The following TMIGD3 variants were observed in gnomAD, a reference collection of about 807,000 sequenced individuals.
TMIGD3 encodes AD026 protein (AD026).
Under a neutral mutation model 28.1 loss-of-function variants are expected in TMIGD3, and 21 were observed. That is an observed-to-expected ratio of 0.75 (90% CI 0.53 to 1.08). TMIGD3 has a LOEUF of 1.08. Among genes scored for constraint, TMIGD3 ranks in the 50% least tolerant of loss-of-function variants. The pLI, the probability that TMIGD3 is intolerant of heterozygous loss-of-function variation, is 0.00. For missense variants in TMIGD3, 416 were observed against 435.6 expected (o/e 0.96, Z 0.40); for synonymous variants, 151 against 162.1 (o/e 0.93, Z 0.52).
At chr1:111,487,384 A>G (rs1654432559) in intron 3 of TMIGD3, among the ~76,000 whole-genome samples, 1 of 152,212 alleles carries the variant, frequency 6.6e-6, no homozygotes, top group African/African-American at 2.4e-5. Context: ...GCATGGGGAC[A>G]GGTTTCCAAG....
At chr1:111,522,425 C>T (rs142830436) in intron 1 of TMIGD3, among the ~76,000 whole-genome samples, 33 of 151,966 alleles carry the variant, frequency 2.2e-4, no homozygotes, top group Admixed American at 2.2e-3. Flanking sequence ...CTTTATTTGT[C>T]GTTCTTTAAT....
At position 111,500,156 on chromosome 1, in the gene TMIGD3, A is replaced by C. The variant is rs553993887; in HGVS notation, c.350+2849T>G. 1.9e-4 allele frequency: 305 copies of C among 1,614,226 alleles called. 2 individuals carry two copies. The South Asian group carries it at 3.2e-3, about 17-fold the overall frequency. On this transcript the variant is annotated intron_variant, in intron 1 of 5. Transcript: ENST00000369716. Reference sequence around the variant, plus strand: ...ACCTCACCATTAAAGTAGATGATGCAGTTGATGATAGATAAAGGCAGCCAT... The same window carrying C: ...ACCTCACCATTAAAGTAGATGATGCCGTTGATGATAGATAAAGGCAGCCAT...
chr1:111,516,087 C>T (rs1048155763), intron 1 of TMIGD3, among the ~76,000 whole-genome samples: 1 of 152,242 alleles, frequency 6.6e-6, no homozygotes, highest in Admixed American at 6.5e-5. Context: ...TGCCCCCTGC[C>T]TGCCAGGACA....
upstream of TMIGD3, among the ~76,000 whole-genome samples, chr1:111,508,418 T>C (rs1291074968): frequency 6.6e-6 from 1 of 152,172 alleles, no homozygotes; most frequent in East Asian, 1.9e-4. Context: ...CTGTTGTCAC[T>C]CGGGACCCAG....
rs928249179 is a variant in TMIGD3, at chr1:111,542,225, G to A, written c.107+21621C>T. On this transcript the variant is annotated intron_variant, in intron 1 of 5. Transcript: ENST00000369717. ...CAGCTTAATGAAACAGACATCCTTCGCGTACTGACGGAAACACTGGCGGCA... is the reference window on the plus strand; with the variant it reads ...CAGCTTAATGAAACAGACATCCTTCACGTACTGACGGAAACACTGGCGGCA... 13 of 602,344 alleles carry A rather than the reference G, an allele frequency of 2.2e-5. No individual in the cohort carries two copies. In the African/African-American group the frequency reaches 2.4e-4, roughly 11 times the overall value. 37.3% of individuals were successfully genotyped at this position (602,344 alleles called of 1,614,324 possible).
At chr1:111,556,864 T>C (rs917252201) in intron 1 of TMIGD3, among the ~76,000 whole-genome samples, 3 of 151,962 alleles carry the variant, frequency 2.0e-5, no homozygotes, top group African/African-American at 7.3e-5. Context: ...GTCACTGAAC[T>C]GTACACTTAG....
At chr1:111,538,172 A>G (rs1656703346) in intron 1 of TMIGD3, among the ~76,000 whole-genome samples, 1 of 152,228 alleles carries the variant, frequency 6.6e-6, no homozygotes, top group Non-Finnish European at 1.5e-5. Context: ...TTTCACCAAA[A>G]AAACACAATT....
At chr1:111,504,402 C>T (rs1010249955), upstream of TMIGD3, among the ~76,000 whole-genome samples, 4 of 152,164 alleles carry the variant, frequency 2.6e-5, no homozygotes, top group Admixed American at 2.0e-4. Flanking sequence ...CAGCCCCATC[C>T]CCGCAGGAAC....
chr1:111,546,683 T>A (rs1471077898), intron 1 of TMIGD3, among the ~76,000 whole-genome samples: 2 of 152,212 alleles, frequency 1.3e-5, no homozygotes, highest in African/African-American at 2.4e-5. Flanking sequence ...GATAGACACT[T>A]GGTTGCTTCC....
In TMIGD3 at chr1:111,525,383, C is replaced by T. The variant is rs374863022; in HGVS notation, c.108-34621G>A. ...ACATAAAAGTTTAGAATTACTAGGT[C>T]CTATTGATGAATTGTCCTTTTTATT... On this transcript the variant is annotated intron_variant, in intron 1 of 5. Transcript: ENST00000369717. Among the ~76,000 whole-genome samples, 18 of 152,224 alleles carry T rather than the reference C, an allele frequency of 1.2e-4. No individual in the cohort carries two copies. In the East Asian group the frequency reaches 2.5e-3, roughly 21 times the overall value.
chr1:111,530,940 C>A (rs542304195), intron 1 of TMIGD3, among the ~76,000 whole-genome samples: 1 of 152,326 alleles, frequency 6.6e-6, no homozygotes, highest in Admixed American at 6.5e-5. Context: ...TTTCTCCTCT[C>A]CTTTAGAGAA....
chr1:111,531,181 G>T (rs1033668049), intron 1 of TMIGD3, among the ~76,000 whole-genome samples: 2 of 152,100 alleles, frequency 1.3e-5, no homozygotes. Context: ...TGGAGGCTGA[G>T]GTGGGAGGAT....
chr1:111,519,349 T>C (rs1655976587), intron 1 of TMIGD3, among the ~76,000 whole-genome samples: 1 of 152,218 alleles, frequency 6.6e-6, no homozygotes, highest in African/African-American at 2.4e-5. Context: ...GAGAAGATCA[T>C]GGTCTTGGGA....
In TMIGD3 at chr1:111,488,566, T is replaced by C. The variant is rs944864614; in HGVS notation, c.805+111A>G. On this transcript the variant is annotated intron_variant, in intron 3 of 5. Coordinates refer to ENST00000369716, the MANE Select transcript of TMIGD3 (RefSeq NM_020683.7). ...AGAGAGAGGCCAGGCAGGCCCAAAG[T>C]ACCCAGTGGGAGTCTGAGTTGGGGC... 2.6e-5 allele frequency: 25 copies of C among 951,822 alleles called. No homozygotes were observed. The African/African-American group carries it at 3.3e-4, about 13-fold the overall frequency. The allele number at this position is 951,822 out of a possible 1,614,324, so 59.0% of individuals were successfully genotyped here.
rs373286148 is a variant in TMIGD3 at position 111,483,629 on chromosome 1, T to C, written c.*58A>G. 3.7e-6 allele frequency: 5 copies of C among 1,366,732 alleles called. No individual in the cohort carries two copies. The African/African-American group carries it at 7.2e-5, about 20-fold the overall frequency. The allele number at this position is 1,366,732 out of a possible 1,614,324, so 84.7% of individuals were successfully genotyped here. A position where few individuals can be genotyped will look rare whatever the true frequency, so the allele number is the denominator to read the frequency against. On this transcript the variant is annotated 3_prime_UTR_variant, in exon 6 of 6. Transcript: ENST00000369716. Reference sequence around the variant, plus strand: ...CAGTCTCTGAGGTGTGGGCCAGTTGTCATGGTGATTATTCTGTTGTAGCAT... The same window carrying C: ...CAGTCTCTGAGGTGTGGGCCAGTTGCCATGGTGATTATTCTGTTGTAGCAT...
At chr1:111,509,669 GA>G (rs1347691447) in intron 1 of TMIGD3, among the ~76,000 whole-genome samples, 1 of 152,214 alleles carries the variant, frequency 6.6e-6, no homozygotes, top group East Asian at 1.9e-4. Context: ...GCCACAGTGG[GA>G]GATAAGCAAC....
At chr1:111,523,710 T>C (rs908306589) in intron 1 of TMIGD3, among the ~76,000 whole-genome samples, 29 of 152,142 alleles carry the variant, frequency 1.9e-4, no homozygotes, top group Non-Finnish European at 3.2e-4. Context: ...AAAATTTTTG[T>C]TCCATGTTAT....
intron 3 of TMIGD3, 95 bp from the exon 4 acceptor site, chr1:111,486,747 G>GGGGACTCACTCTCTGGACAT: frequency 9.7e-7 from 1 of 1,028,646 alleles, no homozygotes; most frequent in Non-Finnish European, 1.5e-6. Flanking sequence ...TCTATGTCCA[G>GGGGACTCACTCTCTGGACAT]AGAGTGAGTC....
intron 1 of TMIGD3, among the ~76,000 whole-genome samples, chr1:111,543,141 C>G (rs889113511): frequency 6.6e-6 from 1 of 152,180 alleles, no homozygotes; most frequent in African/African-American, 2.4e-5. Flanking sequence ...GAGACACACA[C>G]ACAGCGCAGG....
Sources: allele counts gnomAD v4.1 joint callset (sites outside exome capture counted in the v4.1 genomes callset), GRCh38; gene constraint gnomAD v4.1.1; transcripts MANE v1.5; gene names NCBI Gene and HGNC (gene_info 2026-07-23, HGNC 2026-07-21).